Variants in CACNA2D3 observed in about 807,000 individuals in gnomAD.
The protein encoded by CACNA2D3 is voltage-dependent calcium channel subunit alpha-2/delta-3.
Under a neutral mutation model 160.6 loss-of-function variants are expected in CACNA2D3, and 60 were observed. The ratio of observed to expected loss-of-function variants is 0.37; its 90% confidence interval spans 0.30 to 0.46. CACNA2D3 has a LOEUF of 0.46. Ranked by LOEUF, CACNA2D3 falls within the 20% of genes least tolerant of loss-of-function variation. CACNA2D3 has a pLI of 1.00. For synonymous variants in CACNA2D3, 558 were observed against 492.9 expected (o/e 1.13, Z -1.75); for missense variants, 1,205 against 1,365.0 (o/e 0.88, Z 1.85).
chr3:54,141,080 T>TGCGCGCGCGCGCGCGCGCGCAC (rs1559860030), intron 2 of CACNA2D3, among the ~76,000 whole-genome samples: 1 of 125,326 alleles, frequency 8.0e-6, no homozygotes, highest in Admixed American at 7.9e-5. Context: ...TGTGTGTGTG[T>TGCGCGCGCGCGCGCGCGCGCAC]GTGTGTGCGC....
At chr3:54,755,880 G>C (rs935596234) in intron 12 of CACNA2D3, among the ~76,000 whole-genome samples, 1 of 151,970 alleles carries the variant, frequency 6.6e-6, no homozygotes, top group Admixed American at 6.6e-5. Context: ...CCATCAGCTA[G>C]TATGCATTTA....
Position 54,822,799 on chromosome 3 carries a change from CTTT to C in CACNA2D3, c.1398+5930_1398+5932del, listed in dbSNP as rs747682891. Among the ~76,000 whole-genome samples, 498 of 52,972 alleles carry C rather than the reference CTTT, an allele frequency of 9.4e-3. 1 individual carries two copies. Among genetic ancestry groups the C allele is most frequent in the East Asian group, 0.017 (34 of 1,982 alleles). 34.8% of individuals were successfully genotyped at this position (52,972 alleles called of 152,430 possible). On this transcript the variant is annotated intron_variant, in intron 14 of 37. Transcript: ENST00000474759. The stretch of plus-strand genomic sequence containing the variant: ...CTTTCTTTCTTTCTTTCCTTTCTTT[CTTT>C]CTTTCTTTCTTTCTTTCTTTCTTTC...
intron 27 of CACNA2D3, among the ~76,000 whole-genome samples, chr3:54,962,586 G>A (rs1559646641): frequency 6.6e-6 from 1 of 152,192 alleles, no homozygotes; most frequent in Admixed American, 6.5e-5. Flanking sequence ...GCCAGAGCCG[G>A]TGCAACTCTA....
chr3:54,789,772 G>T, intron 13 of CACNA2D3: 1 of 477,050 alleles, frequency 2.1e-6, no homozygotes, highest in Non-Finnish European at 4.2e-6. Flanking sequence ...TTAGATTTTG[G>T]ATTGAGGCAG....
chr3:54,263,892 G>C (rs1395464773), intron 2 of CACNA2D3, among the ~76,000 whole-genome samples: 1 of 152,104 alleles, frequency 6.6e-6, no homozygotes, highest in Non-Finnish European at 1.5e-5. Context: ...TCTTTGGCCT[G>C]TGTTTTCTTT....
intron 29 of CACNA2D3, among the ~76,000 whole-genome samples, chr3:54,971,920 T>C (rs1702281795): frequency 6.6e-6 from 1 of 152,094 alleles, no homozygotes; most frequent in South Asian, 2.1e-4. Context: ...AGAGTAATGG[T>C]GAAGAATGAA....
intron 11 of CACNA2D3, among the ~76,000 whole-genome samples, chr3:54,709,176 AT>A (rs5849053): frequency 1.1e-4 from 16 of 148,214 alleles, no homozygotes; most frequent in Admixed American, 2.0e-4. Flanking sequence ...TGCCTGACTA[AT>A]TTTTTTTTTG....
chr3:54,671,964 G>A (rs553688460), intron 11 of CACNA2D3, among the ~76,000 whole-genome samples: 2 of 152,342 alleles, frequency 1.3e-5, no homozygotes, highest in South Asian at 4.1e-4. Flanking sequence ...AGATGACTGT[G>A]CTCTGCCAAG....
At chr3:54,287,143 A>G (rs1205969180) in intron 2 of CACNA2D3, among the ~76,000 whole-genome samples, 1 of 151,910 alleles carries the variant, frequency 6.6e-6, no homozygotes, top group Non-Finnish European at 1.5e-5. Context: ...AAATTGGATA[A>G]AGAGTCAAGA....
chr3:54,730,503 TCTTTC>T (rs1701364940), intron 11 of CACNA2D3, among the ~76,000 whole-genome samples: 1 of 151,510 alleles, frequency 6.6e-6, no homozygotes, highest in Non-Finnish European at 1.5e-5. Flanking sequence ...TTTCTTTCTT[TCTTTC>T]CTTTCTTTCT....
chr3:54,338,074 C>G (rs1308658820), intron 3 of CACNA2D3, among the ~76,000 whole-genome samples: 1 of 152,210 alleles, frequency 6.6e-6, no homozygotes, highest in Non-Finnish European at 1.5e-5. Context: ...AAATCTTAAT[C>G]ACTATGGAGC....
intron 29 of CACNA2D3, among the ~76,000 whole-genome samples, chr3:54,984,096 C>A (rs150052083): frequency 5.9e-5 from 9 of 152,172 alleles, no homozygotes; most frequent in Non-Finnish European, 8.8e-5. Context: ...CCCCTTCCCC[C>A]CTGCCTCAGT....
intron 3 of CACNA2D3, among the ~76,000 whole-genome samples, chr3:54,357,993 A>T (rs1218728369): frequency 6.6e-6 from 1 of 152,246 alleles, no homozygotes; most frequent in Non-Finnish European, 1.5e-5. Flanking sequence ...AATGTTGGAC[A>T]CATGTCAAAA....
intron 2 of CACNA2D3, among the ~76,000 whole-genome samples, chr3:54,125,191 C>T (rs9861287): frequency 0.8 from 120,799 of 151,932 alleles, 48,252 homozygotes; most frequent in East Asian, 0.89. Flanking sequence ...ATCTTTTATC[C>T]CACATTTTCT....
intron 17 of CACNA2D3, among the ~76,000 whole-genome samples, chr3:54,847,944 C>A (rs1698971202): frequency 6.6e-6 from 1 of 152,118 alleles, no homozygotes; most frequent in East Asian, 1.9e-4. Context: ...ACAATCAAAC[C>A]CAAATCTTCT....
intron 2 of CACNA2D3, among the ~76,000 whole-genome samples, chr3:54,251,362 ATT>A (rs1702187109): frequency 6.6e-6 from 1 of 152,172 alleles, no homozygotes; most frequent in African/African-American, 2.4e-5. Context: ...TAACTCTTTT[ATT>A]AAAGTCTATG....
chr3:54,496,185 G>C (rs144150971), intron 4 of CACNA2D3, among the ~76,000 whole-genome samples: 1 of 152,134 alleles, frequency 6.6e-6, no homozygotes, highest in East Asian at 1.9e-4. Context: ...GAATTGCTGG[G>C]TCATATGGTA....
intron 2 of CACNA2D3, among the ~76,000 whole-genome samples, chr3:54,157,468 A>C (rs538488427): frequency 6.6e-6 from 1 of 152,176 alleles, no homozygotes; most frequent in Admixed American, 6.5e-5. Context: ...AACAAGTCAA[A>C]CAACGATGTG....
intron 2 of CACNA2D3, among the ~76,000 whole-genome samples, chr3:54,199,963 T>C (rs1701149300): frequency 6.6e-6 from 1 of 152,178 alleles, no homozygotes; most frequent in African/African-American, 2.4e-5. Context: ...CAGCCTCTCA[T>C]TTGTGTGTGA....
Sources: allele counts gnomAD v4.1 joint callset (sites outside exome capture counted in the v4.1 genomes callset), GRCh38; gene constraint gnomAD v4.1.1; transcripts MANE v1.5; gene names NCBI Gene and HGNC (gene_info 2026-07-23, HGNC 2026-07-21).